Variants in CCDC88C observed in about 807,000 individuals in gnomAD.
The protein encoded by CCDC88C is protein Daple.
Under a neutral mutation model 198.8 loss-of-function variants are expected in CCDC88C, and 131 were observed. That is an observed-to-expected ratio of 0.66 (90% CI 0.57 to 0.76). CCDC88C has a LOEUF of 0.76. Ranked by LOEUF, CCDC88C falls within the 30% of genes least tolerant of loss-of-function variation. The pLI is 0.00. For missense variants in CCDC88C, 2,553 were observed against 2,631.6 expected (o/e 0.97, Z 0.65); for synonymous variants, 1,166 against 1,114.7 (o/e 1.05, Z -0.92).
Position 91,313,641 on chromosome 14 carries a change from C to A in CCDC88C, c.2175G>T (p.Gln725His). Residue 725 changes from glutamine to histidine, a missense_variant, in exon 15 of 30, where the codon CAG (glutamine) becomes CAT (histidine). Transcript: ENST00000389857. The surrounding 1 kb of genome is among the most constrained non-coding windows in gnomAD (Gnocchi z 5.2). ...TMRFTSTKLA[Q>H]MERENQQLER... The stretch of plus-strand genomic sequence containing the variant: ...CCAGCTGCTGGTTCTCCCTCTCCAT[C>A]TGTGCCAGCTTGGTGCTGGTGAAGC... 6.2e-7 allele frequency: 1 copy of A among 1,612,708 alleles called. No individual in the cohort carries two copies. The highest frequency in any genetic ancestry group is 1.1e-5 in the South Asian group (1 of 91,084).
chr14:91,369,064 T>G (rs1470890006), intron 3 of CCDC88C, among the ~76,000 whole-genome samples: 1 of 152,242 alleles, frequency 6.6e-6, no homozygotes, highest in African/African-American at 2.4e-5. Context: ...CGCTGATCGT[T>G]TGCCAGCAGG....
At chr14:91,357,914 A>G (rs1894113527) in intron 4 of CCDC88C, among the ~76,000 whole-genome samples, 1 of 152,250 alleles carries the variant, frequency 6.6e-6, no homozygotes, top group African/African-American at 2.4e-5. Flanking sequence ...CCCTGCTACT[A>G]ACACGGGAAG....
Position 91,272,915 on chromosome 14 carries a change from C to T in CCDC88C, c.5797G>A (p.Ala1933Thr), listed in dbSNP as rs1232588747. 6.3e-7 allele frequency: 1 copy of T among 1,575,030 alleles called. No homozygotes were observed. Among genetic ancestry groups the T allele is most frequent in the Admixed American group, 1.8e-5 (1 of 55,038 alleles). Reference sequence around the variant, plus strand: ...GGCTTGGTCCTGGCAGCCGGGGCTGCAGCAGGTGAGAAGTGCAGGAGCTGG... The same window carrying T: ...GGCTTGGTCCTGGCAGCCGGGGCTGTAGCAGGTGAGAAGTGCAGGAGCTGG... The part of the protein sequence containing the change: ...NSQLLHFSPA[A>T]APAARTKPKA... Residue 1933 changes from alanine to threonine, a missense_variant, in exon 30 of 30, where the codon GCA becomes ACA. Transcript: ENST00000389857.
At chr14:91,323,993 A>C (rs74790743) in intron 12 of CCDC88C, among the ~76,000 whole-genome samples, 12,996 of 152,300 alleles carry the variant, frequency 0.085, 772 homozygotes, top group African/African-American at 0.16. Context: ...GTCTATCAGA[A>C]TTTTTTAAAG....
At position 91,371,396 on chromosome 14, in the gene CCDC88C, C is replaced by G. The variant is rs1257538682; in HGVS notation, c.271-11685G>C. ...GCAGGGTGGGCTGGGACAGGCATGA[C>G]CCCCCCAGCCAGAATGAGTGTAGTG... On this transcript the variant is annotated intron_variant, in intron 3 of 29. Transcript: ENST00000389857. The surrounding 1 kb of genome is among the most constrained non-coding windows in gnomAD (Gnocchi z 4.2). 7.2e-6 allele frequency among the ~76,000 whole-genome samples: 1 copy of G among 139,554 alleles called. No individual in the cohort carries two copies. Among genetic ancestry groups the G allele is most frequent in the Non-Finnish European group, 1.5e-5 (1 of 67,876 alleles). 91.6% of individuals were successfully genotyped at this position (139,554 alleles called of 152,430 possible).
intron 3 of CCDC88C, among the ~76,000 whole-genome samples, chr14:91,374,971 T>C (rs558127688): frequency 1.3e-5 from 2 of 152,284 alleles, no homozygotes; most frequent in East Asian, 1.9e-4. Flanking sequence ...CGGAGCCCAA[T>C]GGGACAGGCA....
chr14:91,290,972 C>A, intron 24 of CCDC88C, 23 bp downstream of exon 24: 1 of 1,401,602 alleles, frequency 7.1e-7, no homozygotes, highest in South Asian at 1.2e-5. Flanking sequence ...TGTCTTTATG[C>A]CACTACACTT....
At position 91,416,818 on chromosome 14, in the gene CCDC88C, A is replaced by C; in HGVS notation, c.81T>G (p.Phe27Leu). Residue 27 changes from phenylalanine to leucine, a missense_variant, in exon 2 of 30, where the codon TTT (phenylalanine) becomes TTG (leucine). Coordinates refer to ENST00000389857, the MANE Select transcript of CCDC88C (RefSeq NM_001080414.4). ...TCAGGTTGTCCTGGCTGCCGCTTCC[A>C]AACGGGCCAAAAGTTTTCACCTGCG... ...LVTWVKTFGP[F>L]GSGSQDNLTM... The C allele has an allele frequency of 6.2e-7, 1 of 1,613,380 alleles. No individual in the cohort carries two copies. Among genetic ancestry groups the C allele is most frequent in the South Asian group, 1.1e-5 (1 of 90,914 alleles).
At chr14:91,295,435 C>T (rs995632936) in intron 22 of CCDC88C, among the ~76,000 whole-genome samples, 20 of 152,346 alleles carry the variant, frequency 1.3e-4, no homozygotes, top group African/African-American at 4.6e-4. Context: ...CGTGGCAAGT[C>T]AGCGGTCTGC....
At chr14:91,311,967 T>C (rs1460999894) in intron 15 of CCDC88C, among the ~76,000 whole-genome samples, 2 of 149,760 alleles carry the variant, frequency 1.3e-5, no homozygotes, top group South Asian at 2.1e-4. Context: ...TAAAAATAAA[T>C]TTAAAAAAAA....
intron 2 of CCDC88C, among the ~76,000 whole-genome samples, chr14:91,414,621 G>A (rs1886950731): frequency 6.6e-6 from 1 of 152,154 alleles, no homozygotes; most frequent in Non-Finnish European, 1.5e-5. Flanking sequence ...GGAACTGGGT[G>A]ATTCTGATGA....
At chr14:91,414,130 C>T (rs1403289448) in intron 2 of CCDC88C, among the ~76,000 whole-genome samples, 2 of 152,044 alleles carry the variant, frequency 1.3e-5, no homozygotes, top group Non-Finnish European at 2.9e-5. Context: ...ATCCAAGGAT[C>T]GAAGAATGTG....
At chr14:91,364,153 C>CCT (rs1324413658) in intron 3 of CCDC88C, among the ~76,000 whole-genome samples, 5 of 152,206 alleles carry the variant, frequency 3.3e-5, no homozygotes, top group Non-Finnish European at 7.3e-5. Flanking sequence ...CTCGCTGAGG[C>CCT]CTCTGTCTTG....
In CCDC88C at chr14:91,293,565, ACGGCC is replaced by A. The variant is rs1890851070; in HGVS notation, c.4112+603_4112+607del. Among the ~76,000 whole-genome samples, 19 of 85,718 alleles carry A rather than the reference ACGGCC, an allele frequency of 2.2e-4. 1 individual carries two copies. The highest frequency in any genetic ancestry group is 1.1e-3 in the East Asian group (3 of 2,792). 56.2% of individuals were successfully genotyped at this position (85,718 alleles called of 152,430 possible). A position where few individuals can be genotyped will look rare whatever the true frequency, so the allele number is the denominator to read the frequency against. Reference sequence around the variant, plus strand: ...CCACCTTCCTGTCCCCTCGCCTGCCACGGCCCACCTTCCTGTCCCCTCGCCTGCCA... The same window carrying A: ...CCACCTTCCTGTCCCCTCGCCTGCCACACCTTCCTGTCCCCTCGCCTGCCA... On this transcript the variant is annotated intron_variant, in intron 23 of 29. Coordinates refer to ENST00000389857, the MANE Select transcript of CCDC88C (RefSeq NM_001080414.4).
Position 91,272,761 on chromosome 14 carries a change from C to T in CCDC88C, c.5951G>A (p.Arg1984Gln), listed in dbSNP as rs61745465. The T allele has an allele frequency of 9.2e-4, 1,484 of 1,608,020 alleles. 12 individuals carry two copies. In the African/African-American group the frequency reaches 0.015, roughly 17 times the overall value. ...GAGGTGGGGAGCCAAATCGGGAGACCGACCTGGGCTCTTGGCCGGAAGCCC... is the reference window on the plus strand; with the variant it reads ...GAGGTGGGGAGCCAAATCGGGAGACTGACCTGGGCTCTTGGCCGGAAGCCC... ...SEGLPAKSPG[R>Q]SPDLAPHLGR... Residue 1984 changes from arginine to glutamine, a missense_variant, in exon 30 of 30, where the codon CGG becomes CAG. This residue lies in a region of CCDC88C where 1,293 missense variants were observed against 1,219.6 expected (regional missense o/e 1.06). Transcript: ENST00000389857.
chr14:91,275,480 CTT>C (rs530413081), intron 29 of CCDC88C, among the ~76,000 whole-genome samples: 23 of 143,224 alleles, frequency 1.6e-4, no homozygotes, highest in African/African-American at 1.0e-4. Flanking sequence ...ACCAGCAGTT[CTT>C]TTTTTTTTTT....
chr14:91,376,651 G>A (rs1884436011), intron 3 of CCDC88C, among the ~76,000 whole-genome samples: 1 of 152,220 alleles, frequency 6.6e-6, no homozygotes, highest in Non-Finnish European at 1.5e-5. Context: ...GGCAGCAGAG[G>A]CAGAGAGCAG....
intron 23 of CCDC88C, among the ~76,000 whole-genome samples, chr14:91,293,844 C>CTA: frequency 6.6e-6 from 1 of 152,218 alleles, no homozygotes; most frequent in Non-Finnish European, 1.5e-5. Flanking sequence ...CACTCATTCC[C>CTA]AGCCTTCAGT....
chr14:91,309,947 T>A lies in CCDC88C; in HGVS notation c.2776A>T (p.Ser926Cys). 1 of 1,603,998 alleles carries A rather than the reference T, an allele frequency of 6.2e-7. No homozygotes were observed. Among genetic ancestry groups the A allele is most frequent in the Non-Finnish European group, 8.5e-7 (1 of 1,175,254 alleles). The part of the protein sequence containing the change: ...LEKLKSQQLS[S>C]ELDKLSQELE... ...TCCTGGCTCAGCTTGTCCAGCTCAC[T>A]GCTGAGCTGCTGGCTCTTCAGCTTC... Residue 926 changes from serine (S) to cysteine (C), a missense_variant, in exon 16 of 30, where the codon AGT (serine) becomes TGT (cysteine). Around this residue, in one of 2 missense-constraint regions of CCDC88C, gnomAD observed 1,260 missense variants for 1,412.0 expected, o/e 0.89. Coordinates refer to ENST00000389857, the MANE Select transcript of CCDC88C (RefSeq NM_001080414.4).
Sources: allele counts gnomAD v4.1 joint callset (sites outside exome capture counted in the v4.1 genomes callset), GRCh38; gene constraint gnomAD v4.1.1; regional missense constraint gnomAD v4.1.1; non-coding constraint Gnocchi (gnomAD v3.1); transcripts MANE v1.5; gene names NCBI Gene and HGNC (gene_info 2026-07-23, HGNC 2026-07-21).